The following ZEB1 variants were observed in gnomAD, a reference collection of about 807,000 sequenced individuals.
The protein encoded by ZEB1 is zinc finger E-box-binding homeobox 1.
Under a neutral mutation model 84.9 loss-of-function variants are expected in ZEB1, and 21 were observed. The observed-to-expected ratio is 0.25, with a 90% CI of 0.18 to 0.36. The LOEUF is 0.36. Among genes scored for constraint, ZEB1 ranks in the 10% least tolerant of loss-of-function variants. The pLI, the probability that ZEB1 is intolerant of heterozygous loss-of-function variation, is 1.00. For synonymous variants in ZEB1, 420 were observed against 471.1 expected (o/e 0.89, Z 1.41); for missense variants, 1,104 against 1,330.2 (o/e 0.83, Z 2.65).
At chr10:31,393,026 G>T (rs543349190) in intron 1 of ZEB1, among the ~76,000 whole-genome samples, 22 of 152,068 alleles carry the variant, frequency 1.4e-4, no homozygotes, top group African/African-American at 5.3e-4. Flanking sequence ...TTGTTGAGAC[G>T]GGGGTCTCAT....
intron 1 of ZEB1, among the ~76,000 whole-genome samples, chr10:31,328,903 G>C (rs2036160765): frequency 6.6e-6 from 1 of 151,986 alleles, no homozygotes; most frequent in African/African-American, 2.4e-5. Context: ...TATCCATTTG[G>C]CTGGGAATGT....
intron 1 of ZEB1, among the ~76,000 whole-genome samples, chr10:31,345,326 A>G (rs1324617464): frequency 6.6e-6 from 1 of 152,198 alleles, no homozygotes; most frequent in Non-Finnish European, 1.5e-5. Flanking sequence ...ATATAATGTA[A>G]TAAATCCTAT....
chr10:31,327,763 G>A (rs2035895728), intron 1 of ZEB1, among the ~76,000 whole-genome samples: 1 of 152,048 alleles, frequency 6.6e-6, no homozygotes, highest in Non-Finnish European at 1.5e-5. Context: ...CATTTTTTAC[G>A]CTCACCAACA....
intron 1 of ZEB1, among the ~76,000 whole-genome samples, chr10:31,436,090 A>G (rs2136355320): frequency 6.6e-6 from 1 of 152,312 alleles, no homozygotes; most frequent in East Asian, 1.9e-4. Context: ...GTGAAGATGA[A>G]GAGATTGTTT....
In ZEB1 at chr10:31,526,931, G is replaced by C. The variant is rs1414691625; in HGVS notation, c.3045G>C (p.Arg1015Ser). Residue 1015 changes from arginine to serine, a missense_variant, in exon 9 of 9, where the codon AGG (arginine) becomes AGC (serine). Arg to Ser is a moderately radical substitution (Grantham distance 110). This residue lies in a region of ZEB1 where 173 missense variants were observed against 167.0 expected (regional missense o/e 1.04). Transcript: ENST00000424869. ...EILSNEHVGA[R>S]ASPSQGDSDE... ...TCTCGAATGAGCACGTGGGTGCCAG[G>C]GCGTCTCCCTCACAGGGCGACTCGG... 1 of 1,614,092 alleles carries C rather than the reference G, an allele frequency of 6.2e-7. No homozygotes were observed. Among genetic ancestry groups the C allele is most frequent in the Middle Eastern group, 1.6e-4 (1 of 6,062 alleles).
intron 1 of ZEB1, among the ~76,000 whole-genome samples, chr10:31,340,265 G>C (rs1396439798): frequency 6.6e-6 from 1 of 151,762 alleles, no homozygotes; most frequent in Non-Finnish European, 1.5e-5. Context: ...TCCTGCTTTT[G>C]GTACAGGATA....
chr10:31,354,565 A>G (rs2041828493), intron 1 of ZEB1, among the ~76,000 whole-genome samples: 1 of 152,148 alleles, frequency 6.6e-6, no homozygotes, highest in Non-Finnish European at 1.5e-5. Context: ...CACTTTTAGG[A>G]TTGATAGTGT....
At chr10:31,506,512 T>A (rs540896091) in intron 4 of ZEB1, among the ~76,000 whole-genome samples, 12 of 152,112 alleles carry the variant, frequency 7.9e-5, no homozygotes, top group Non-Finnish European at 1.3e-4. Flanking sequence ...TTGTCATTCT[T>A]TAATGACCTT....
At chr10:31,347,325 T>A (rs547252597) in intron 1 of ZEB1, among the ~76,000 whole-genome samples, 1 of 152,180 alleles carries the variant, frequency 6.6e-6, no homozygotes, top group Non-Finnish European at 1.5e-5. Context: ...TCAGTGAAGA[T>A]CTATGGATTT....
At chr10:31,474,000 T>C (rs2063683506) in intron 2 of ZEB1, among the ~76,000 whole-genome samples, 1 of 152,202 alleles carries the variant, frequency 6.6e-6, no homozygotes. Context: ...GAAAACCGGC[T>C]AGCCATATGT....
chr10:31,527,104 T>C lies in ZEB1; in HGVS notation c.3218T>C (p.Val1073Ala). 1 of 1,595,468 alleles carries C rather than the reference T, an allele frequency of 6.3e-7. No individual in the cohort carries two copies. The highest frequency in any genetic ancestry group is 8.5e-7 in the Non-Finnish European group (1 of 1,170,550). The change falls in exon 9 of 9, where the codon GTG becomes GCG. Residue 1073 changes from valine to alanine, a missense_variant. By Grantham distance (64) the Val-to-Ala change is moderately conservative. Transcript: ENST00000424869. ...GAAGAGGAGGAGGAGGAGGAAGAAG[T>C]GGAAGAAGAAGAGGTAGAAGAGGCA... ...DEEEEEEEEE[V>A]EEEEVEEAEN... is the part of the protein sequence containing the mutation.
chr10:31,483,393 G>T (rs745452956), intron 2 of ZEB1, among the ~76,000 whole-genome samples: 1 of 151,906 alleles, frequency 6.6e-6, no homozygotes, highest in African/African-American at 2.4e-5. Context: ...TCAAACCCAG[G>T]TCTATTTGAT....
rs569011132 is a variant in ZEB1, at chr10:31,425,247, G to C, written c.59-35790G>C. Among the ~76,000 whole-genome samples the C allele has an allele frequency of 9.2e-4, 140 of 152,066 alleles. 2 individuals are homozygous for C. Among genetic ancestry groups the C allele is most frequent in the African/African-American group, 3.3e-3 (137 of 41,540 alleles). ...TTTGAGTTAGACAGCCTTTTTATTT[G>C]AGAATAAAAAGAAATCTAGGAAAGC... On this transcript the variant is annotated intron_variant, in intron 1 of 8. Transcript: ENST00000424869.
At position 31,378,712 on chromosome 10, in the gene ZEB1, C is replaced by T. The variant is rs575720893; in HGVS notation, c.58+59420C>T. 1.1e-4 allele frequency among the ~76,000 whole-genome samples: 16 copies of T among 151,786 alleles called. No homozygotes were observed. In the South Asian group the frequency reaches 2.9e-3, roughly 28 times the overall value. ...ATATATCATTAAGTAATCATTAACA[C>T]GGTAAAAGTAAAGTCAAGGACCAGC... On this transcript the variant is annotated intron_variant, in intron 1 of 8. Coordinates refer to ENST00000424869, the MANE Select transcript of ZEB1 (RefSeq NM_001174096.2).
At position 31,431,618 on chromosome 10, in the gene ZEB1, G is replaced by T. The variant is rs558517328; in HGVS notation, c.59-29419G>T. Among the ~76,000 whole-genome samples the T allele has an allele frequency of 5.0e-4, 76 of 152,164 alleles. No individual in the cohort carries two copies. In the South Asian group the frequency reaches 0.015, roughly 31 times the overall value. On this transcript the variant is annotated intron_variant, in intron 1 of 8. Coordinates refer to ENST00000424869, the MANE Select transcript of ZEB1 (RefSeq NM_001174096.2). Reference sequence around the variant, plus strand: ...TATTAAATCACACTTCAAAAAGTTAGAAACCCTACAAAGGCCATACAGAAA... The same window carrying T: ...TATTAAATCACACTTCAAAAAGTTATAAACCCTACAAAGGCCATACAGAAA...
chr10:31,510,917 G>T (rs1385691249), intron 5 of ZEB1, 42 bp downstream of exon 5: 112 of 1,586,996 alleles, frequency 7.1e-5, no homozygotes, highest in Non-Finnish European at 9.4e-5. Context: ...TCCAGATTTT[G>T]ACAACTCAGC....
intron 1 of ZEB1, among the ~76,000 whole-genome samples, chr10:31,368,818 G>A (rs1169644558): frequency 2.6e-5 from 4 of 152,122 alleles, no homozygotes; most frequent in African/African-American, 9.7e-5. Flanking sequence ...CTGTGGTGGT[G>A]GTATGGTGGA....
At chr10:31,469,398 G>A (rs926343830) in intron 2 of ZEB1, among the ~76,000 whole-genome samples, 2 of 152,126 alleles carry the variant, frequency 1.3e-5, no homozygotes, top group Non-Finnish European at 1.5e-5. Context: ...TGCCTCACTC[G>A]GGAAGCGCAA....
Position 31,521,338 on chromosome 10 carries a change from A to G in ZEB1, c.2006A>G (p.Asn669Ser). The G allele has an allele frequency of 6.2e-7, 1 of 1,614,128 alleles. No individual in the cohort carries two copies. Among genetic ancestry groups the G allele is most frequent in the South Asian group, 1.1e-5 (1 of 91,084 alleles). Reference protein sequence around the residue: ...NNDQPQSANANEPQDSTVNLQ... With the variant: ...NNDQPQSANASEPQDSTVNLQ... Reference sequence around the variant, plus strand: ...GATCAGCCTCAATCTGCAAATGCAAATGAACCCCAGGACAGCACAGTAAAT... The same window carrying G: ...GATCAGCCTCAATCTGCAAATGCAAGTGAACCCCAGGACAGCACAGTAAAT... The change falls in exon 7 of 9, where the codon AAT (asparagine) becomes AGT (serine). Residue 669 changes from asparagine (N) to serine (S), a missense_variant. Coordinates refer to ENST00000424869, the MANE Select transcript of ZEB1 (RefSeq NM_001174096.2).
Sources: gnomAD v4.1 joint callset for allele counts (sites outside exome capture counted in the v4.1 genomes callset) on GRCh38, gnomAD v4.1.1 for gene constraint, gnomAD v4.1.1 regional missense constraint, MANE v1.5 for transcripts, NCBI Gene and HGNC (gene_info 2026-07-23, HGNC 2026-07-21) for gene names.